Variants in PNISR observed in about 807,000 individuals in gnomAD.
PNISR encodes the protein PNN interacting serine and arginine rich protein.
PNISR carries 20 observed loss-of-function variants against 93.4 expected under a neutral mutation model. That is an observed-to-expected ratio of 0.21 (90% CI 0.15 to 0.31). The LOEUF (loss-of-function observed/expected upper bound fraction) is 0.31, where lower values mean the gene tolerates loss of function less well. Among genes scored for constraint, PNISR ranks in the 10% least tolerant of loss-of-function variants. The pLI, the probability that PNISR is intolerant of heterozygous loss-of-function variation, is 1.00. For missense variants in PNISR, 893 were observed against 985.4 expected (o/e 0.91, Z 1.25); for synonymous variants, 305 against 306.5 (o/e 0.99, Z 0.05).
intron 1 of PNISR, among the ~76,000 whole-genome samples, chr6:99,424,218 T>C (rs1471882288): frequency 6.6e-6 from 1 of 152,308 alleles, no homozygotes; most frequent in Admixed American, 6.5e-5. Context: ...AAAAGGACTT[T>C]AGGTAAAATG....
Position 99,409,361 on chromosome 6 carries a change from G to C in PNISR, c.502-17C>G, listed in dbSNP as rs1216083685. 1 of 1,610,164 alleles carries C rather than the reference G, an allele frequency of 6.2e-7. No homozygotes were observed. The highest frequency in any genetic ancestry group is 1.1e-5 in the South Asian group (1 of 90,746). On this transcript the variant is annotated splice_polypyrimidine_tract_variant and intron_variant, in intron 5 of 11. Coordinates refer to ENST00000369239, the MANE Select transcript of PNISR (RefSeq NM_032870.4). Reference sequence around the variant, plus strand: ...AGCCCCATGCTGAAAGAGTATTGCAGTTTATTTTTTCTTCAAATTAATACA... The same window carrying C: ...AGCCCCATGCTGAAAGAGTATTGCACTTTATTTTTTCTTCAAATTAATACA...
intron 1 of PNISR, among the ~76,000 whole-genome samples, chr6:99,421,101 G>A (rs1397999160): frequency 6.6e-6 from 1 of 152,150 alleles, no homozygotes; most frequent in East Asian, 1.9e-4. Flanking sequence ...TTTAAAGCTT[G>A]TTAGGCTTGG....
In PNISR at chr6:99,399,495, C is replaced by G. The variant is rs1169597531; in HGVS notation, c.*1045G>C. On this transcript the variant is annotated 3_prime_UTR_variant, in exon 12 of 12. Transcript: ENST00000369239. Reference sequence around the variant, plus strand: ...AATCATGAGTCTTATTTCTATAACCCCAAAAAGTGTTTCAAAATGCTTCTA... The same window carrying G: ...AATCATGAGTCTTATTTCTATAACCGCAAAAAGTGTTTCAAAATGCTTCTA... 1 of 151,792 alleles carries G rather than the reference C, an allele frequency of 6.6e-6. No homozygotes were observed. The highest frequency in any genetic ancestry group is 1.5e-5 in the Non-Finnish European group (1 of 67,902). 9.4% of individuals were successfully genotyped at this position (151,792 alleles called of 1,614,324 possible).
Position 99,417,533 on chromosome 6 carries a change from T to C in PNISR, c.-111-1105A>G, listed in dbSNP as rs533165365. 2.0e-5 allele frequency among the ~76,000 whole-genome samples: 3 copies of C among 152,334 alleles called. No individual in the cohort carries two copies. The South Asian group carries it at 6.2e-4, about 32-fold the overall frequency. On this transcript the variant is annotated intron_variant, in intron 1 of 11. Coordinates refer to ENST00000369239, the MANE Select transcript of PNISR (RefSeq NM_032870.4). Reference sequence around the variant, plus strand: ...TAAATGTCTATACCCCAAAGGATTATTGTGAGGATTAAATAAGAAACACAT... The same window carrying C: ...TAAATGTCTATACCCCAAAGGATTACTGTGAGGATTAAATAAGAAACACAT...
rs994555226 is a variant in PNISR, at chr6:99,399,430, G to C, written c.*1110C>G. 3 of 152,014 alleles carry C rather than the reference G, an allele frequency of 2.0e-5. No individual in the cohort carries two copies. Among genetic ancestry groups the C allele is most frequent in the Non-Finnish European group, 2.9e-5 (2 of 67,956 alleles). The allele number at this position is 152,014 out of a possible 1,614,324, so 9.4% of individuals were successfully genotyped here. On this transcript the variant is annotated 3_prime_UTR_variant, in exon 12 of 12. Coordinates refer to ENST00000369239, the MANE Select transcript of PNISR (RefSeq NM_032870.4). ...TAATACAGCATTCCTCCATTGATTT[G>C]AGGTCATATTATACTTTAAAAATAT... is the stretch of plus-strand genomic sequence containing the variant.
chr6:99,412,760 C>A (rs2128488180), intron 3 of PNISR, 21 bp from the exon 4 acceptor site: 1 of 1,480,364 alleles, frequency 6.8e-7, no homozygotes, highest in Non-Finnish European at 9.1e-7. Context: ...TTAACACTGA[C>A]TTCAGCATTC....
rs762648605 is a variant in PNISR, at chr6:99,404,626, T to A, written c.1079A>T (p.Asp360Val). 3 of 1,600,776 alleles carry A rather than the reference T, an allele frequency of 1.9e-6. No individual in the cohort carries two copies. Among genetic ancestry groups the A allele is most frequent in the Non-Finnish European group, 2.6e-6 (3 of 1,167,926 alleles). Residue 360 changes from aspartate to valine, a missense_variant, in exon 9 of 12, where the codon GAT becomes GTT. Physicochemically the swap from Asp to Val is radical, Grantham distance 152 (BLOSUM62 -3). Around this residue, in one of 3 missense-constraint regions of PNISR, gnomAD observed 866 missense variants for 935.1 expected, o/e 0.93. Transcript: ENST00000369239. ...ACCTTTCGTTGCTTTGCGGTGTGCA[T>A]CTTTGGCTACGTAATAAATTTCTTC... ...TDEEIYYVAK[D>V]AHRKATKAPA...
intron 1 of PNISR, among the ~76,000 whole-genome samples, chr6:99,416,957 A>AAAGCATCTTGCACAT (rs1269123966): frequency 6.6e-6 from 1 of 152,228 alleles, no homozygotes; most frequent in Non-Finnish European, 1.5e-5. Context: ...AAGGTACAAG[A>AAAGCATCTTGCACAT]AAGCATCTTG....
At chr6:99,404,577 G>C (rs1004389481) in intron 9 of PNISR, 26 bp downstream of exon 9, 14 of 1,339,124 alleles carry the variant, frequency 1.0e-5, no homozygotes, top group Non-Finnish European at 1.4e-5. Flanking sequence ...CCCAGGAAAA[G>C]CAAAACCAGA....
At chr6:99,410,497 A>G in intron 5 of PNISR, 1 of 482,718 alleles carries the variant, frequency 2.1e-6, no homozygotes, top group Non-Finnish European at 3.7e-6. Context: ...TTGCACTTAT[A>G]CATTTTTAAT....
chr6:99,413,452 T>A (rs1420330717), intron 3 of PNISR, among the ~76,000 whole-genome samples: 2 of 151,976 alleles, frequency 1.3e-5, no homozygotes, highest in African/African-American at 4.8e-5. Flanking sequence ...CCATGATCCA[T>A]CCATCCATCC....
At chr6:99,420,888 G>A (rs1225004163) in intron 1 of PNISR, among the ~76,000 whole-genome samples, 1 of 152,120 alleles carries the variant, frequency 6.6e-6, no homozygotes, top group Non-Finnish European at 1.5e-5. Context: ...ATCTTCTTTA[G>A]GGGAGAGAAA....
intron 1 of PNISR, among the ~76,000 whole-genome samples, chr6:99,422,151 C>G (rs1484085889): frequency 6.6e-6 from 1 of 152,182 alleles, no homozygotes; most frequent in Admixed American, 6.5e-5. Context: ...CAGGCATGAG[C>G]CACCCCGTGT....
At chr6:99,410,015 G>C (rs1478401510) in intron 5 of PNISR, 1 of 152,060 alleles carries the variant, frequency 6.6e-6, no homozygotes, top group Non-Finnish European at 1.5e-5. Context: ...ACCATCTCAA[G>C]GTGAATACTA....
chr6:99,423,005 G>T (rs1183449967), intron 1 of PNISR, among the ~76,000 whole-genome samples: 1 of 151,716 alleles, frequency 6.6e-6, no homozygotes, highest in East Asian at 1.9e-4. Context: ...AGCACACCTA[G>T]GCACGAGAAC....
intron 4 of PNISR, among the ~76,000 whole-genome samples, chr6:99,411,570 A>C (rs566470504): frequency 6.6e-6 from 1 of 152,166 alleles, no homozygotes; most frequent in East Asian, 1.9e-4. Flanking sequence ...ACAGTATCAA[A>C]GACTAGAATA....
intron 5 of PNISR, chr6:99,410,272 C>G (rs1776743004): frequency 6.2e-6 from 1 of 160,094 alleles, no homozygotes; most frequent in Non-Finnish European, 1.4e-5. Flanking sequence ...ATATACAATT[C>G]CATTAACATG....
chr6:99,410,723 C>G lies in PNISR; in HGVS notation c.501+18G>C, dbSNP rs1562243785. 6.3e-7 allele frequency: 1 copy of G among 1,580,250 alleles called. No homozygotes were observed. The highest frequency in any genetic ancestry group is 1.3e-5 in the African/African-American group (1 of 74,230). Reference sequence around the variant, plus strand: ...TACGTGCACATCTACAATATTAAAGCAACAAAATATCTTTCACCTGATAGT... The same window carrying G: ...TACGTGCACATCTACAATATTAAAGGAACAAAATATCTTTCACCTGATAGT... On this transcript the variant is annotated intron_variant, in intron 5 of 11. Transcript: ENST00000369239.
At chr6:99,409,889 T>C (rs1055629574) in intron 5 of PNISR, 2 of 153,038 alleles carry the variant, frequency 1.3e-5, no homozygotes, top group African/African-American at 2.4e-5. Flanking sequence ...GGATCTACCA[T>C]GCAAAAGTAG....
Sources: allele counts gnomAD v4.1 joint callset (sites outside exome capture counted in the v4.1 genomes callset), GRCh38; gene constraint gnomAD v4.1.1; regional missense constraint gnomAD v4.1.1; transcripts MANE v1.5; gene names NCBI Gene and HGNC (gene_info 2026-07-23, HGNC 2026-07-21).